The following LRRC4C variants were observed in gnomAD, a reference collection of about 807,000 sequenced individuals.
LRRC4C encodes leucine-rich repeat-containing protein 4C.
LRRC4C carries 5 observed loss-of-function variants against 33.6 expected under a neutral mutation model. That is an observed-to-expected ratio of 0.15 (90% CI 0.08 to 0.31). The LOEUF (loss-of-function observed/expected upper bound fraction) is 0.31. Among genes scored for constraint, LRRC4C ranks in the 10% least tolerant of loss-of-function variants. LRRC4C has a pLI of 1.00. For missense variants in LRRC4C, 560 were observed against 796.7 expected, an observed-to-expected ratio of 0.70 and a Z score of 3.58; for synonymous variants, 329 against 302.0, an observed-to-expected ratio of 1.09 and a Z score of -0.93.
intron 3 of LRRC4C, among the ~76,000 whole-genome samples, chr11:40,452,165 A>C (rs878936129): frequency 3.9e-5 from 6 of 152,086 alleles, no homozygotes; most frequent in South Asian, 4.1e-4. Context: ...GCAACAAAAG[A>C]CAAAATTGAC....
At chr11:41,312,391 A>G (rs1210588632) in intron 1 of LRRC4C, among the ~76,000 whole-genome samples, 1 of 152,216 alleles carries the variant, frequency 6.6e-6, no homozygotes, top group African/African-American at 2.4e-5. Context: ...ATTCTATACC[A>G]GTACAGAGTA....
chr11:41,390,693 C>T (rs1430146961), intron 1 of LRRC4C, among the ~76,000 whole-genome samples: 3 of 151,798 alleles, frequency 2.0e-5, no homozygotes, highest in Non-Finnish European at 4.4e-5. Context: ...TAGGGTAAGT[C>T]GCCTGTCTGC....
intron 6 of LRRC4C, among the ~76,000 whole-genome samples, chr11:40,116,585 T>A (rs1445340603): frequency 6.6e-6 from 1 of 152,186 alleles, no homozygotes; most frequent in Admixed American, 6.5e-5. Context: ...TAGAGGACAC[T>A]AATGTATTGT....
At chr11:40,200,784 A>AAAAAAAAAAAAAAAAAAG (rs71060946) in intron 5 of LRRC4C, among the ~76,000 whole-genome samples, 19 of 78,412 alleles carry the variant, frequency 2.4e-4, no homozygotes, top group African/African-American at 4.3e-4. Flanking sequence ...AAAAAAAAAA[A>AAAAAAAAAAAAAAAAAAG]AAAAGAAAAG....
rs368089413 is a variant in LRRC4C, at chr11:41,059,988, G to T, written c.-495-126265C>A. Among the ~76,000 whole-genome samples the T allele has an allele frequency of 9.9e-5, 15 of 152,256 alleles. No homozygotes were observed. In the East Asian group the frequency reaches 2.9e-3, roughly 29 times the overall value. On this transcript the variant is annotated intron_variant, in intron 1 of 6. Transcript: ENST00000528697. The stretch of plus-strand genomic sequence containing the variant: ...TGCAATCAGCCGAGATCACACCATT[G>T]CACTCCAGCCTGGGTGACAGAGTGA...
intron 1 of LRRC4C, among the ~76,000 whole-genome samples, chr11:41,208,833 A>T (rs2136302157): frequency 6.6e-6 from 1 of 152,294 alleles, no homozygotes; most frequent in South Asian, 2.1e-4. Context: ...GGCCAGGATG[A>T]CGCACTGGCC....
chr11:40,245,049 T>C (rs1866221572), intron 4 of LRRC4C, among the ~76,000 whole-genome samples: 1 of 152,184 alleles, frequency 6.6e-6, no homozygotes, highest in African/African-American at 2.4e-5. Context: ...AGCTACTTTG[T>C]TTGTGACCTC....
At chr11:40,924,451 G>A (rs899141986) in intron 2 of LRRC4C, among the ~76,000 whole-genome samples, 1 of 151,674 alleles carries the variant, frequency 6.6e-6, no homozygotes, top group Admixed American at 6.6e-5. Flanking sequence ...CTAGTAGTCT[G>A]GGCAACAACA....
At chr11:40,765,969 T>C (rs1024558498) in intron 2 of LRRC4C, among the ~76,000 whole-genome samples, 2 of 151,164 alleles carry the variant, frequency 1.3e-5, no homozygotes, top group Non-Finnish European at 2.9e-5. Flanking sequence ...AATATTCACA[T>C]ACAAGAATAT....
chr11:40,805,082 C>T (rs1951187591), intron 2 of LRRC4C, among the ~76,000 whole-genome samples: 1 of 152,180 alleles, frequency 6.6e-6, no homozygotes, highest in Non-Finnish European at 1.5e-5. Flanking sequence ...GCTTTGGTTA[C>T]TTCATGTCCA....
intron 1 of LRRC4C, among the ~76,000 whole-genome samples, chr11:41,418,739 C>A (rs2138298715): frequency 6.6e-6 from 1 of 152,064 alleles, no homozygotes; most frequent in African/African-American, 2.4e-5. Flanking sequence ...AGCTAAATTA[C>A]TTTCTAAAGC....
At chr11:41,339,449 C>T (rs1380542320) in intron 1 of LRRC4C, among the ~76,000 whole-genome samples, 1 of 152,034 alleles carries the variant, frequency 6.6e-6, no homozygotes, top group Non-Finnish European at 1.5e-5. Context: ...CAGCAATAGG[C>T]CAAATGAAAT....
intron 1 of LRRC4C, among the ~76,000 whole-genome samples, chr11:41,351,236 T>TACAC (rs1020230259): frequency 9.0e-6 from 1 of 111,046 alleles, no homozygotes; most frequent in African/African-American, 3.0e-5. Context: ...CACACACACA[T>TACAC]ACACACACAC....
At chr11:40,927,189 C>T (rs139340485) in intron 2 of LRRC4C, among the ~76,000 whole-genome samples, 2,151 of 152,104 alleles carry the variant, frequency 0.014, 24 homozygotes, top group Non-Finnish European at 0.022. Flanking sequence ...GCCTGGCCAA[C>T]ATGATGAAAC....
At position 41,459,642 on chromosome 11, in the gene LRRC4C, A is replaced by G. The variant is rs2138721769; in HGVS notation, c.-707T>C. 6.6e-6 allele frequency: 1 copy of G among 152,260 alleles called. No homozygotes were observed. The highest frequency in any genetic ancestry group is 2.1e-4 in the South Asian group (1 of 4,816). 9.4% of individuals were successfully genotyped at this position (152,260 alleles called of 1,614,324 possible). A position where few individuals can be genotyped will look rare whatever the true frequency, so the allele number is the denominator to read the frequency against. On this transcript the variant is annotated 5_prime_UTR_variant, in exon 1 of 7. Coordinates refer to ENST00000528697, the MANE Select transcript of LRRC4C (RefSeq NM_001258419.2). Reference sequence around the variant, plus strand: ...CAAAAAGTAAGCCAAAAACTCATCAAAGGCAAAAGCAGAAGGGGGAGTAGG... The same window carrying G: ...CAAAAAGTAAGCCAAAAACTCATCAGAGGCAAAAGCAGAAGGGGGAGTAGG...
At chr11:40,444,579 C>A (rs894454693) in intron 3 of LRRC4C, among the ~76,000 whole-genome samples, 1 of 151,926 alleles carries the variant, frequency 6.6e-6, no homozygotes, top group African/African-American at 2.4e-5. Context: ...TGCCTCTATA[C>A]AATCTTTTAT....
At chr11:41,012,503 G>A (rs1855280102) in intron 1 of LRRC4C, among the ~76,000 whole-genome samples, 1 of 152,088 alleles carries the variant, frequency 6.6e-6, no homozygotes, top group Admixed American at 6.6e-5. Context: ...GACTTACACT[G>A]ATTCCATATT....
intron 1 of LRRC4C, among the ~76,000 whole-genome samples, chr11:41,313,193 A>G (rs1469916494): frequency 6.6e-6 from 1 of 152,176 alleles, no homozygotes; most frequent in African/African-American, 2.4e-5. Context: ...TCTTGTATTC[A>G]AAGAAATGGG....
intron 1 of LRRC4C, among the ~76,000 whole-genome samples, chr11:41,213,889 G>A (rs990554565): frequency 1.3e-5 from 2 of 152,100 alleles, no homozygotes; most frequent in South Asian, 4.1e-4. Context: ...TCCAACTGGT[G>A]CAATATAGAA....
Sources: allele counts gnomAD v4.1 joint callset (sites outside exome capture counted in the v4.1 genomes callset), GRCh38; gene constraint gnomAD v4.1.1; transcripts MANE v1.5; gene names NCBI Gene and HGNC (gene_info 2026-07-23, HGNC 2026-07-21).